ZNF831: variants seen among roughly 807,000 people sequenced by gnomAD.
ZNF831 encodes chromosome 20 open reading frame 174.
A neutral mutation model predicts 95.8 loss-of-function variants in ZNF831; 59 were observed. The observed-to-expected ratio is 0.62, with a 90% CI of 0.50 to 0.77. The LOEUF is 0.77. ZNF831 is among the 30% of genes least tolerant of loss of function. The pLI, the probability that ZNF831 is intolerant of heterozygous loss-of-function variation, is 0.00. For missense variants in ZNF831, 2,205 were observed against 2,164.0 expected, an observed-to-expected ratio of 1.02 and a Z score of -0.38; for synonymous variants, 961 against 925.5, an observed-to-expected ratio of 1.04 and a Z score of -0.70.
At position 59,192,374 on chromosome 20, in the gene ZNF831, T is replaced by G; in HGVS notation, c.1355T>G (p.Phe452Cys). ...ACGCCCTACACCTACAAGGACTCCTTCCACTTTGACATCCGCGCGCTGGAG... is the reference window on the plus strand; with the variant it reads ...ACGCCCTACACCTACAAGGACTCCTGCCACTTTGACATCCGCGCGCTGGAG... ...LPTPYTYKDS[F>C]HFDIRALEPG... Residue 452 changes from phenylalanine (F) to cysteine (C), a missense_variant, in exon 2 of 6, where the codon TTC (phenylalanine) becomes TGC (cysteine). Physicochemically the swap from Phe to Cys is radical, Grantham distance 205. Transcript: ENST00000371030. The surrounding 1 kb of genome is among the most constrained non-coding windows in gnomAD (Gnocchi z 5.2). 6.2e-7 allele frequency: 1 copy of G among 1,611,932 alleles called. No individual in the cohort carries two copies. The highest frequency in any genetic ancestry group is 8.5e-7 in the Non-Finnish European group (1 of 1,179,470).
At chr20:59,201,735 T>C (rs1343097287) in intron 3 of ZNF831, among the ~76,000 whole-genome samples, 1 of 152,208 alleles carries the variant, frequency 6.6e-6, no homozygotes, top group Non-Finnish European at 1.5e-5. Flanking sequence ...ATTTGTCTAT[T>C]TCAATGCAAA....
intron 1 of ZNF831, among the ~76,000 whole-genome samples, chr20:59,139,123 G>A (rs532073679): frequency 6.6e-6 from 1 of 152,126 alleles, no homozygotes; most frequent in South Asian, 2.1e-4. Context: ...TTGTCATTTG[G>A]AGAATGTTAT....
chr20:59,249,221 C>T (rs1244511124), intron 4 of ZNF831, among the ~76,000 whole-genome samples: 1 of 152,110 alleles, frequency 6.6e-6, no homozygotes, highest in African/African-American at 2.4e-5. Context: ...ATAAAACAGT[C>T]CTCCCTGGCT....
intron 4 of ZNF831, among the ~76,000 whole-genome samples, chr20:59,248,191 G>A (rs1247824203): frequency 1.3e-5 from 2 of 152,206 alleles, no homozygotes; most frequent in African/African-American, 2.4e-5. Context: ...GTGTAAGAGC[G>A]ATCGAATTTC....
Position 59,192,589 on chromosome 20 carries a change from G to T in ZNF831, c.1570G>T (p.Asp524Tyr), listed in dbSNP as rs2146568109. 1 of 1,512,226 alleles carries T rather than the reference G, an allele frequency of 6.6e-7. No individual in the cohort carries two copies. Among genetic ancestry groups the T allele is most frequent in the Non-Finnish European group, 8.8e-7 (1 of 1,134,052 alleles). The allele number at this position is 1,512,226 out of a possible 1,614,324, so 93.7% of individuals were successfully genotyped here. ...RTWLEPREPR[D>Y]PWSRTQKPLS... ...GTGGCTGGAGCCCAGGGAGCCCCGG[G>T]ACCCCTGGTCCAGGACGCAGAAGCC... The change falls in exon 2 of 6, where the codon GAC becomes TAC. Residue 524 changes from aspartate (D) to tyrosine (Y), a missense_variant. By Grantham distance (160) the Asp-to-Tyr change is radical. Transcript: ENST00000371030. The surrounding 1 kb of genome is among the most constrained non-coding windows in gnomAD (Gnocchi z 5.2).
At position 59,191,709 on chromosome 20, in the gene ZNF831, C is replaced by A. The variant is rs1331882965; in HGVS notation, c.690C>A (p.Gly230=). 1.3e-6 allele frequency: 2 copies of A among 1,572,316 alleles called. No homozygotes were observed. The highest frequency in any genetic ancestry group is 1.7e-6 in the Non-Finnish European group (2 of 1,158,462). ...AGEPPRPEGR[G]ESRCQGMHEG... is the part of the protein sequence containing the mutation. ...AGCCCCCCAGACCAGAGGGCAGGGG[C>A]GAGAGCAGGTGCCAGGGGATGCACG... Residue 230 remains glycine (G), a synonymous_variant, in exon 2 of 6, where the codon GGC becomes GGA. Transcript: ENST00000371030.
intron 2 of ZNF831, among the ~76,000 whole-genome samples, chr20:59,149,791 C>T (rs1269182974): frequency 3.3e-5 from 5 of 152,234 alleles, no homozygotes; most frequent in Admixed American, 6.5e-5. Context: ...CCAGGGAATC[C>T]GGCAAGGCCC....
chr20:59,125,814 C>G (rs1362336201), intron 1 of ZNF831, among the ~76,000 whole-genome samples: 2 of 152,196 alleles, frequency 1.3e-5, no homozygotes, highest in Non-Finnish European at 2.9e-5. Context: ...AAAGCCGTGA[C>G]TACAGTAAAA....
intron 1 of ZNF831, among the ~76,000 whole-genome samples, chr20:59,127,351 G>T (rs961567770): frequency 6.6e-6 from 1 of 152,076 alleles, no homozygotes; most frequent in African/African-American, 2.4e-5. Context: ...CAGGTAATCC[G>T]TGGGATCCTG....
chr20:59,157,115 A>G (rs1190248548), intron 2 of ZNF831, among the ~76,000 whole-genome samples: 6 of 152,158 alleles, frequency 3.9e-5, no homozygotes, highest in African/African-American at 1.4e-4. Context: ...AATGTGCTAT[A>G]AATTATTGTT....
At chr20:59,244,680 TACAG>T (rs1483590436) in intron 4 of ZNF831, among the ~76,000 whole-genome samples, 2 of 152,208 alleles carry the variant, frequency 1.3e-5, no homozygotes, top group Non-Finnish European at 2.9e-5. Flanking sequence ...CATAAACAAA[TACAG>T]ACAGACACCT....
rs565349709 is a variant in ZNF831, at chr20:59,230,200, AT to A, written c.4028-22770del. 4.6e-5 allele frequency among the ~76,000 whole-genome samples: 7 copies of A among 152,248 alleles called. 1 individual carries two copies. Among genetic ancestry groups the A allele is most frequent in the Admixed American group, 4.6e-4 (7 of 15,292 alleles). ...TTGCTGTAAAAGACCAGATAATTAA[AT>A]TTTTTTTGTCTCTGCTAGCCATGCT... On this transcript the variant is annotated intron_variant, in intron 4 of 5. Transcript: ENST00000371030.
chr20:59,223,620 C>T (rs546416378), intron 4 of ZNF831, among the ~76,000 whole-genome samples: 1 of 152,146 alleles, frequency 6.6e-6, no homozygotes, highest in African/African-American at 2.4e-5. Flanking sequence ...TTCTGTGCCT[C>T]GGTTTCCCCA....
chr20:59,129,173 T>C (rs1164748525), intron 1 of ZNF831, among the ~76,000 whole-genome samples: 1 of 152,232 alleles, frequency 6.6e-6, no homozygotes, highest in Non-Finnish European at 1.5e-5. Context: ...GCACAGTGCC[T>C]TATTCAGCTG....
At position 59,230,234 on chromosome 20, in the gene ZNF831, C is replaced by T. The variant is rs530115490; in HGVS notation, c.4028-22744C>T. On this transcript the variant is annotated intron_variant, in intron 4 of 5. Coordinates refer to ENST00000371030, the MANE Select transcript of ZNF831 (RefSeq NM_178457.3). ...GTCTCTGCTAGCCATGCTGTCCTGT[C>T]GCAACTATTCAATACCATTGTGGGG... 3.2e-4 allele frequency among the ~76,000 whole-genome samples: 49 copies of T among 152,216 alleles called. No individual in the cohort carries two copies. The Middle Eastern group carries it at 0.01, about 32-fold the overall frequency.
Position 59,253,081 on chromosome 20 carries a change from C to T in ZNF831, c.4131C>T (p.Thr1377=), listed in dbSNP as rs748653882. The T allele has an allele frequency of 1.2e-6, 2 of 1,614,076 alleles. No homozygotes were observed. The highest frequency in any genetic ancestry group is 1.1e-5 in the South Asian group (1 of 91,064). The change falls in exon 5 of 6, where the codon ACC becomes ACT. Residue 1377 remains threonine (T), a synonymous_variant. Coordinates refer to ENST00000371030, the MANE Select transcript of ZNF831 (RefSeq NM_178457.3). Reference sequence around the variant, plus strand: ...GTGACTGCAGACAAACCTTAGGAACCCTCTCTCTTGGTACAAGTTCAAGAA... The same window carrying T: ...GTGACTGCAGACAAACCTTAGGAACTCTCTCTCTTGGTACAAGTTCAAGAA... ...KEGDCRQTLG[T]LSLGTSSRIV...
chr20:59,248,283 A>G (rs1987718206), intron 4 of ZNF831, among the ~76,000 whole-genome samples: 2 of 152,254 alleles, frequency 1.3e-5, no homozygotes, highest in South Asian at 2.1e-4. Context: ...TGAAGCCTCA[A>G]TGGAATCACA....
At chr20:59,212,560 C>T (rs915332481) in intron 4 of ZNF831, among the ~76,000 whole-genome samples, 10 of 152,218 alleles carry the variant, frequency 6.6e-5, no homozygotes, top group African/African-American at 2.4e-4. Context: ...TTTTAAAGAA[C>T]ATCCTTCCTC....
At chr20:59,125,888 C>T (rs954044287) in intron 1 of ZNF831, among the ~76,000 whole-genome samples, 3 of 152,040 alleles carry the variant, frequency 2.0e-5, no homozygotes, top group Non-Finnish European at 2.9e-5. Context: ...GGCTGGCTGG[C>T]GTGAGAGCAG....
Sources: gnomAD v4.1 joint callset for allele counts (sites outside exome capture counted in the v4.1 genomes callset) on GRCh38, gnomAD v4.1.1 for gene constraint, Gnocchi (gnomAD v3.1) non-coding constraint, MANE v1.5 for transcripts, NCBI Gene and HGNC (gene_info 2026-07-23, HGNC 2026-07-21) for gene names.